The following SLC44A3 variants were observed in gnomAD, a reference collection of about 807,000 sequenced individuals.
SLC44A3 encodes the protein choline transporter-like protein 3.
A neutral mutation model predicts 75.4 loss-of-function variants in SLC44A3; 74 were observed. The ratio of observed to expected loss-of-function variants is 0.98; its 90% CI spans 0.81 to 1.19. SLC44A3 has a LOEUF of 1.19. Among genes scored for constraint, SLC44A3 ranks in the 50% most tolerant of loss-of-function variants. SLC44A3 has a pLI of 0.00. For synonymous variants in SLC44A3, 310 were observed against 296.9 expected, an observed-to-expected ratio of 1.04 and a Z score of -0.45; for missense variants, 700 against 778.6, an observed-to-expected ratio of 0.90 and a Z score of 1.20.
rs183139206 is a variant in SLC44A3, at chr1:94,865,142, G to A, written c.1395+243G>A. Among the ~76,000 whole-genome samples the A allele has an allele frequency of 2.9e-3, 445 of 152,148 alleles. 2 individuals carry two copies. The highest frequency in any genetic ancestry group is 3.0e-3 in the Non-Finnish European group (204 of 68,008). On this transcript the variant is annotated intron_variant, in intron 11 of 14. Transcript: ENST00000271227. ...TTCTCCAACTCGGTGGAGATGGCGT[G>A]GGGAGGGAGTAGTTCTGAGTTAGCT...
At chr1:94,840,218 C>T in intron 7 of SLC44A3, among the ~76,000 whole-genome samples, 181 bp downstream of exon 7, 1 of 151,294 alleles carries the variant, frequency 6.6e-6, no homozygotes, top group Non-Finnish European at 1.5e-5. Context: ...CTATGTCTCA[C>T]AGACAGTGCA....
At position 94,841,887 on chromosome 1, in the gene SLC44A3, G is replaced by T. The variant is rs1172417909; in HGVS notation, c.761-113G>T. On this transcript the variant is annotated intron_variant, in intron 7 of 14. Transcript: ENST00000271227. Reference sequence around the variant, plus strand: ...CGGGTATTTGGGACCCACTGCCAGAGCAGTGCCACGCGGCCGGTGGGCAGT... The same window carrying T: ...CGGGTATTTGGGACCCACTGCCAGATCAGTGCCACGCGGCCGGTGGGCAGT... 4 of 1,397,142 alleles carry T rather than the reference G, an allele frequency of 2.9e-6. No individual in the cohort carries two copies. In the East Asian group the frequency reaches 1.0e-4, roughly 36 times the overall value. 86.5% of individuals were successfully genotyped at this position (1,397,142 alleles called of 1,614,324 possible). A position where few individuals can be genotyped will look rare whatever the true frequency, so the allele number is the denominator to read the frequency against.
At chr1:94,849,995 G>T (rs1664994474) in intron 9 of SLC44A3, among the ~76,000 whole-genome samples, 1 of 152,098 alleles carries the variant, frequency 6.6e-6, no homozygotes, top group Non-Finnish European at 1.5e-5. Flanking sequence ...CAATCCACCT[G>T]CTTTGGCCTC....
At chr1:94,857,045 A>T (rs1218675692) in intron 9 of SLC44A3, among the ~76,000 whole-genome samples, 4 of 152,144 alleles carry the variant, frequency 2.6e-5, no homozygotes, top group Non-Finnish European at 4.4e-5. Flanking sequence ...TGCCTCTTCT[A>T]AACCTCAGTT....
chr1:94,880,972 G>A (rs1052472101), intron 12 of SLC44A3, among the ~76,000 whole-genome samples: 2 of 151,614 alleles, frequency 1.3e-5, no homozygotes, highest in African/African-American at 4.9e-5. Context: ...CGTGGGCCAA[G>A]GCGAGAGAAT....
In SLC44A3 at chr1:94,842,059, T is replaced by A; in HGVS notation, c.820T>A (p.Leu274Met). 14 of 1,613,614 alleles carry A rather than the reference T, an allele frequency of 8.7e-6. No homozygotes were observed. The highest frequency in any genetic ancestry group is 1.2e-5 in the Non-Finnish European group (14 of 1,179,848). Reference protein sequence around the residue: ...YDYTNDLSIELDTERENMKCV... With the variant: ...YDYTNDLSIEMDTERENMKCV... ...CTATACCAACGACCTCAGCATAGAA[T>A]TGGACACAGAAAGGGAAAATATGAA... The change falls in exon 8 of 15, where the codon TTG becomes ATG. Residue 274 changes from leucine to methionine, a missense_variant. By Grantham distance (15) the Leu-to-Met change is conservative. Transcript: ENST00000271227.
intron 10 of SLC44A3, among the ~76,000 whole-genome samples, chr1:94,859,625 A>G (rs1666333759): frequency 6.6e-6 from 1 of 152,204 alleles, no homozygotes; most frequent in Admixed American, 6.5e-5. Context: ...CAAATTCCAC[A>G]CCAGCTGAAG....
intron 10 of SLC44A3, among the ~76,000 whole-genome samples, chr1:94,857,826 T>C (rs1186046535): frequency 2.0e-5 from 3 of 146,532 alleles, no homozygotes; most frequent in Non-Finnish European, 3.0e-5. Flanking sequence ...TTTTTTTTTT[T>C]TTTTTGAGAT....
At chr1:94,850,328 C>G (rs961894281) in intron 9 of SLC44A3, among the ~76,000 whole-genome samples, 18 of 152,150 alleles carry the variant, frequency 1.2e-4, no homozygotes, top group African/African-American at 4.3e-4. Flanking sequence ...AAAGTGAAAA[C>G]TGTGGTAACC....
chr1:94,862,576 C>A (rs957625694), intron 10 of SLC44A3, among the ~76,000 whole-genome samples: 8 of 152,164 alleles, frequency 5.3e-5, no homozygotes, highest in African/African-American at 1.9e-4. Context: ...GGGAGCCAGG[C>A]ACCATTAGCA....
At chr1:94,876,329 C>G (rs1668281808) in intron 12 of SLC44A3, among the ~76,000 whole-genome samples, 1 of 152,248 alleles carries the variant, frequency 6.6e-6, no homozygotes, top group Non-Finnish European at 1.5e-5. Flanking sequence ...CAAATGTCCT[C>G]TTCCCTTAGG....
At position 94,885,224 on chromosome 1, in the gene SLC44A3, C is replaced by CAAAAAAAAAAAA. The variant is rs60440950; in HGVS notation, c.1483-5898_1483-5887dup. On this transcript the variant is annotated intron_variant, in intron 12 of 14. Coordinates refer to ENST00000271227, the MANE Select transcript of SLC44A3 (RefSeq NM_001114106.3). ...TGGGCGACAGAGTGAGACTCCCTCT[C>CAAAAAAAAAAAA]AAAAAAAAAAAAAAAAAAAGAGGCA... Among the ~76,000 whole-genome samples, 213 of 82,756 alleles carry CAAAAAAAAAAAA rather than the reference C, an allele frequency of 2.6e-3. 9 individuals are homozygous for CAAAAAAAAAAAA. Among genetic ancestry groups the CAAAAAAAAAAAA allele is most frequent in the South Asian group, 9.7e-3 (14 of 1,436 alleles). 54.3% of individuals were successfully genotyped at this position (82,756 alleles called of 152,430 possible).
At chr1:94,852,336 C>T (rs769745196) in intron 9 of SLC44A3, among the ~76,000 whole-genome samples, 35 of 152,196 alleles carry the variant, frequency 2.3e-4, no homozygotes, top group South Asian at 1.0e-3. Context: ...ATCAGGGGTG[C>T]CTCACTGAGA....
chr1:94,838,241 G>T (rs1663088445), intron 6 of SLC44A3, among the ~76,000 whole-genome samples: 1 of 152,216 alleles, frequency 6.6e-6, no homozygotes, highest in Admixed American at 6.5e-5. Flanking sequence ...CCTGTAGGTG[G>T]ATCAGAAAGC....
intron 9 of SLC44A3, among the ~76,000 whole-genome samples, chr1:94,850,361 A>G (rs1389278929): frequency 1.3e-5 from 2 of 152,230 alleles, no homozygotes; most frequent in African/African-American, 4.8e-5. Context: ...TAGGTTGGAA[A>G]GAGCTCAGAT....
chr1:94,882,365 G>C (rs775855695), intron 12 of SLC44A3, among the ~76,000 whole-genome samples: 2 of 152,116 alleles, frequency 1.3e-5, no homozygotes, highest in African/African-American at 4.8e-5. Flanking sequence ...CACTAATAGG[G>C]ACGAGCCCAT....
chr1:94,848,197 C>G (rs6684906), intron 9 of SLC44A3, among the ~76,000 whole-genome samples: 2,147 of 149,318 alleles, frequency 0.014, 56 homozygotes, highest in African/African-American at 0.051. Flanking sequence ...CCACTGCACT[C>G]CAGCATGGGC....
At chr1:94,850,019 A>G (rs1664998225) in intron 9 of SLC44A3, among the ~76,000 whole-genome samples, 1 of 152,112 alleles carries the variant, frequency 6.6e-6, no homozygotes, top group Admixed American at 6.5e-5. Flanking sequence ...AGGTTTTGGG[A>G]TTATAGGCGT....
intron 12 of SLC44A3, among the ~76,000 whole-genome samples, chr1:94,880,715 G>A (rs1381166499): frequency 1.3e-5 from 2 of 152,156 alleles, no homozygotes; most frequent in Non-Finnish European, 1.5e-5. Flanking sequence ...TGGAAACAAT[G>A]TAAAAAGGGC....
Sources: gnomAD v4.1 joint callset for allele counts (sites outside exome capture counted in the v4.1 genomes callset) on GRCh38, gnomAD v4.1.1 for gene constraint, MANE v1.5 for transcripts, NCBI Gene and HGNC (gene_info 2026-07-23, HGNC 2026-07-21) for gene names.